The following HDAC2 variants were observed in gnomAD, a reference collection of about 807,000 sequenced individuals.
The protein encoded by HDAC2 is YY1-associated factor 1.
A neutral mutation model predicts 68.5 loss-of-function variants in HDAC2; 5 were observed. The ratio of observed to expected loss-of-function variants is 0.07; its 90% CI spans 0.04 to 0.15. HDAC2 has a LOEUF of 0.15. HDAC2 is among the 10% of genes least tolerant of loss of function. The probability of loss-of-function intolerance (pLI) is 1.00; values close to 1 mark genes in which losing one functional copy is unlikely to be tolerated. For missense variants in HDAC2, 291 were observed against 600.8 expected (o/e 0.48, Z 5.39); for synonymous variants, 182 against 191.3 (o/e 0.95, Z 0.40).
At chr6:113,957,245 A>C (rs990215261) in intron 3 of HDAC2, 7 of 153,220 alleles carry the variant, frequency 4.6e-5, no homozygotes, top group African/African-American at 7.2e-5. Context: ...TAGGATACTA[A>C]AGACAACAAG....
chr6:113,937,891 T>C lies in HDAC2; in HGVS notation c.*3167A>G, dbSNP rs1412788709. The C allele has an allele frequency of 2.0e-5, 3 of 152,284 alleles. No individual in the cohort carries two copies. The highest frequency in any genetic ancestry group is 7.2e-5 in the African/African-American group (3 of 41,454). The allele number at this position is 152,284 out of a possible 1,614,324, so 9.4% of individuals were successfully genotyped here. A position where few individuals can be genotyped will look rare whatever the true frequency, so the allele number is the denominator to read the frequency against. On this transcript the variant is annotated 3_prime_UTR_variant, in exon 14 of 14. Coordinates refer to ENST00000519065, the MANE Select transcript of HDAC2 (RefSeq NM_001527.4). ...AGCCAGGTGCGGCAGCTCACACCTG[T>C]AATCCCAGCACTTTGGAAGGCCAAG...
At chr6:113,970,374 G>T in intron 1 of HDAC2, 1 of 802,812 alleles carries the variant, frequency 1.2e-6, no homozygotes, top group Non-Finnish European at 1.5e-6. Flanking sequence ...GAGGGGCGGA[G>T]CTCTCGCGGC....
intron 1 of HDAC2, chr6:113,962,491 T>C (rs577914785): frequency 5.3e-6 from 1 of 189,376 alleles, no homozygotes; most frequent in Admixed American, 6.5e-5. Flanking sequence ...CTGTACCTAA[T>C]ATATCAGAGT....
chr6:113,954,415 G>A (rs542372113), intron 5 of HDAC2, among the ~76,000 whole-genome samples: 1 of 152,246 alleles, frequency 6.6e-6, no homozygotes, highest in Non-Finnish European at 1.5e-5. Flanking sequence ...ATGAGGCTGT[G>A]ATCAAAATAA....
chr6:113,948,710 C>T (rs1466961392), intron 8 of HDAC2: 8 of 356,506 alleles, frequency 2.2e-5, no homozygotes, highest in Admixed American at 4.3e-5. Context: ...TTTATTTACA[C>T]TGAGTCAACA....
At chr6:113,953,510 T>G in intron 5 of HDAC2, 92 bp from the exon 6 acceptor site, 213 of 652,766 alleles carry the variant, frequency 3.3e-4, no homozygotes, top group East Asian at 4.2e-4. Flanking sequence ...TTTTGAGCTC[T>G]TGCATTCCAG....
chr6:113,946,024 A>G lies in HDAC2; in HGVS notation c.966T>C (p.Asp322=). ...CWTYETAVAL[D]CEIPNELPYN... is the part of the protein sequence containing the mutation. The stretch of plus-strand genomic sequence containing the variant: ...AACACTTACCATTGGGAATCTCACA[A>G]TCAAGGGCAACTGCAGTCTCATATG... Residue 322 remains aspartate (D), a synonymous_variant, in exon 9 of 14, where the codon GAT becomes GAC. Coordinates refer to ENST00000519065, the MANE Select transcript of HDAC2 (RefSeq NM_001527.4). The G allele has an allele frequency of 6.2e-7, 1 of 1,612,984 alleles. No homozygotes were observed.
At chr6:113,968,036 G>A (rs1033437445) in intron 1 of HDAC2, among the ~76,000 whole-genome samples, 1 of 152,132 alleles carries the variant, frequency 6.6e-6, no homozygotes, top group African/African-American at 2.4e-5. Flanking sequence ...ATTACATAAC[G>A]TGCAGAGAAC....
chr6:113,959,106 A>G (rs146802659), intron 2 of HDAC2, among the ~76,000 whole-genome samples: 1 of 152,086 alleles, frequency 6.6e-6, no homozygotes, highest in African/African-American at 2.4e-5. Flanking sequence ...CAGTGATTTC[A>G]TCAATGAAAT....
intron 8 of HDAC2, chr6:113,946,953 G>A (rs745851551): frequency 1.2e-4 from 18 of 151,854 alleles, no homozygotes; most frequent in Non-Finnish European, 1.6e-4. Context: ...TTCAAAAATC[G>A]TTTTTCTATA....
chr6:113,937,345 T>C lies in HDAC2; in HGVS notation c.*3713A>G, dbSNP rs979535222. 2.6e-5 allele frequency: 4 copies of C among 152,172 alleles called. No individual in the cohort carries two copies. The highest frequency in any genetic ancestry group is 1.9e-4 in the East Asian group (1 of 5,188). 9.4% of individuals were successfully genotyped at this position (152,172 alleles called of 1,614,324 possible). A position where few individuals can be genotyped will look rare whatever the true frequency, so the allele number is the denominator to read the frequency against. On this transcript the variant is annotated 3_prime_UTR_variant, in exon 14 of 14. Transcript: ENST00000519065. Reference sequence around the variant, plus strand: ...TGTAAGAACTTCAAATAATTGCCCATTGACAGAATGCTAGCAGCTCTGGTA... The same window carrying C: ...TGTAAGAACTTCAAATAATTGCCCACTGACAGAATGCTAGCAGCTCTGGTA...
chr6:113,951,133 C>A (rs919281637), intron 6 of HDAC2, among the ~76,000 whole-genome samples: 2 of 152,164 alleles, frequency 1.3e-5, no homozygotes, highest in Non-Finnish European at 2.9e-5. Context: ...CTCAGAGCTG[C>A]TGCCCTTGTT....
intron 6 of HDAC2, among the ~76,000 whole-genome samples, chr6:113,951,008 T>C (rs944245585): frequency 1.1e-4 from 17 of 152,340 alleles, no homozygotes; most frequent in African/African-American, 4.1e-4. Flanking sequence ...GTGAAAACTT[T>C]ACAGTCCTAC....
chr6:113,940,543 T>C lies in HDAC2; in HGVS notation c.*515A>G, dbSNP rs577117569. On this transcript the variant is annotated 3_prime_UTR_variant, in exon 14 of 14. Transcript: ENST00000519065. The stretch of plus-strand genomic sequence containing the variant: ...GAGGGCAAGGTGGTAGAATTTCTAT[T>C]GCAAAGATAAGTAATAATTACTATA... 2.0e-5 allele frequency: 3 copies of C among 152,958 alleles called. No homozygotes were observed. The highest frequency in any genetic ancestry group is 1.9e-4 in the Admixed American group (3 of 15,396). The allele number at this position is 152,958 out of a possible 1,614,324, so 9.5% of individuals were successfully genotyped here.
At chr6:113,952,739 A>G (rs897454841) in intron 6 of HDAC2, among the ~76,000 whole-genome samples, 2 of 152,228 alleles carry the variant, frequency 1.3e-5, no homozygotes, top group African/African-American at 2.4e-5. Context: ...ATGGAAAAAG[A>G]TAACAAATAA....
chr6:113,951,943 C>T (rs987459588), intron 6 of HDAC2, among the ~76,000 whole-genome samples: 4 of 152,202 alleles, frequency 2.6e-5, no homozygotes, highest in African/African-American at 9.6e-5. Context: ...CTTCCATTTT[C>T]CACTTCTGAG....
intron 1 of HDAC2, 78 bp downstream of exon 1, chr6:113,970,779 G>T: frequency 6.9e-7 from 1 of 1,439,388 alleles, no homozygotes. Context: ...CTCAGCCCCG[G>T]CGCCCACTCG....
intron 1 of HDAC2, among the ~76,000 whole-genome samples, chr6:113,966,721 G>A (rs1427379203): frequency 6.6e-6 from 1 of 152,010 alleles, no homozygotes; most frequent in Non-Finnish European, 1.5e-5. Flanking sequence ...AAGTTATATG[G>A]TACAACCAAA....
chr6:113,949,093 C>T lies in HDAC2; in HGVS notation c.733-6G>A. 6.2e-7 allele frequency: 1 copy of T among 1,612,560 alleles called. No homozygotes were observed. Among genetic ancestry groups the T allele is most frequent in the East Asian group, 2.2e-5 (1 of 44,826 alleles). On this transcript the variant is annotated splice_polypyrimidine_tract_variant and splice_region_variant and intron_variant, in intron 7 of 13. Transcript: ENST00000519065. ...TCCATCACCTTTGAGATAATCTACA[C>T]ACAAGATAACAAATGTTAGCATCTC... is the stretch of plus-strand genomic sequence containing the variant.
Sources: gnomAD v4.1 joint callset for allele counts (sites outside exome capture counted in the v4.1 genomes callset) on GRCh38, gnomAD v4.1.1 for gene constraint, MANE v1.5 for transcripts, NCBI Gene and HGNC (gene_info 2026-07-23, HGNC 2026-07-21) for gene names.